The following EYA4 variants were observed in gnomAD, a reference collection of about 807,000 sequenced individuals.
EYA4 encodes the protein EYA transcriptional coactivator and phosphatase 4.
Under a neutral mutation model 87.9 loss-of-function variants are expected in EYA4, and 31 were observed. The ratio of observed to expected loss-of-function variants is 0.35; its 90% CI spans 0.27 to 0.48. EYA4 has a LOEUF of 0.48. EYA4 is among the 20% of genes least tolerant of loss of function. The pLI, the probability that EYA4 is intolerant of heterozygous loss-of-function variation, is 0.99. For synonymous variants in EYA4, 263 were observed against 270.6 expected, an observed-to-expected ratio of 0.97 and a Z score of 0.28; for missense variants, 678 against 761.4, an observed-to-expected ratio of 0.89 and a Z score of 1.29.
chr6:133,450,488 G>A lies in EYA4; in HGVS notation c.277+2309G>A, dbSNP rs189294693. Among the ~76,000 whole-genome samples, 4 of 152,150 alleles carry A rather than the reference G, an allele frequency of 2.6e-5. No individual in the cohort carries two copies. In the East Asian group the frequency reaches 5.8e-4, roughly 22 times the overall value. ...CTTTTCAAGATCATTCCAATAACTCGAGATGTTCAAAAAGATTCTTTATTT... is the reference window on the plus strand; with the variant it reads ...CTTTTCAAGATCATTCCAATAACTCAAGATGTTCAAAAAGATTCTTTATTT... On this transcript the variant is annotated intron_variant, in intron 5 of 19. Transcript: ENST00000355286.
rs142824853 is a variant in EYA4 at position 133,511,372 on chromosome 6, T to C, written c.1282-1349T>C. Among the ~76,000 whole-genome samples the C allele has an allele frequency of 8.9e-3, 1,351 of 152,230 alleles. 27 individuals are homozygous for C. Among genetic ancestry groups the C allele is most frequent in the African/African-American group, 0.031 (1,289 of 41,556 alleles). Reference sequence around the variant, plus strand: ...AAGCACTATGTATATAGTCAGAAGCTGTAAGTATGAGTAAAATACTTTGAG... The same window carrying C: ...AAGCACTATGTATATAGTCAGAAGCCGTAAGTATGAGTAAAATACTTTGAG... On this transcript the variant is annotated intron_variant, in intron 14 of 19. Coordinates refer to ENST00000355286, the MANE Select transcript of EYA4 (RefSeq NM_004100.5).
At chr6:133,265,841 G>A (rs961236849) in intron 1 of EYA4, among the ~76,000 whole-genome samples, 8 of 152,138 alleles carry the variant, frequency 5.3e-5, no homozygotes, top group Admixed American at 1.3e-4. Flanking sequence ...GGCTAGTTTT[G>A]GCTTAATTCT....
At chr6:133,473,074 G>T (rs114306250) in intron 11 of EYA4, among the ~76,000 whole-genome samples, 55 of 152,032 alleles carry the variant, frequency 3.6e-4, no homozygotes, top group African/African-American at 1.2e-3. Flanking sequence ...GAAAAATTAG[G>T]TTAAGAAATT....
chr6:133,288,231 T>C (rs4895960), intron 2 of EYA4, among the ~76,000 whole-genome samples: 27,107 of 152,136 alleles, frequency 0.18, 2,877 homozygotes, highest in East Asian at 0.42. Flanking sequence ...TGTGTTCCAG[T>C]AAAATTTTAT....
chr6:133,389,760 T>C (rs1246094609), intron 3 of EYA4, among the ~76,000 whole-genome samples: 1 of 152,208 alleles, frequency 6.6e-6, no homozygotes, highest in East Asian at 1.9e-4. Flanking sequence ...CTTGCTCCCT[T>C]TCCTAATCCT....
chr6:133,388,700 A>G (rs924460926), intron 3 of EYA4, among the ~76,000 whole-genome samples: 4 of 152,134 alleles, frequency 2.6e-5, no homozygotes, highest in Non-Finnish European at 5.9e-5. Flanking sequence ...ATTGAAGAAG[A>G]CTCATCCTAA....
chr6:133,383,789 A>G (rs1469081843), intron 3 of EYA4, among the ~76,000 whole-genome samples: 1 of 152,146 alleles, frequency 6.6e-6, no homozygotes, highest in African/African-American at 2.4e-5. Context: ...AAATGGAACT[A>G]ACTAATTTTA....
chr6:133,521,054 G>T (rs1330921045), intron 17 of EYA4, among the ~76,000 whole-genome samples: 4 of 151,508 alleles, frequency 2.6e-5, no homozygotes, highest in Non-Finnish European at 5.9e-5. Context: ...ATAGGCATGG[G>T]CAAGGACTTC....
intron 2 of EYA4, among the ~76,000 whole-genome samples, chr6:133,353,625 A>C (rs1283476867): frequency 2.6e-5 from 4 of 152,156 alleles, no homozygotes; most frequent in African/African-American, 4.8e-5. Context: ...GGATTCTCTC[A>C]CCTTATGTCT....
At chr6:133,338,907 C>A (rs1468257326) in intron 2 of EYA4, among the ~76,000 whole-genome samples, 1 of 151,506 alleles carries the variant, frequency 6.6e-6, no homozygotes, top group African/African-American at 2.4e-5. Flanking sequence ...AAAATATAAA[C>A]CCTTAAGAAT....
chr6:133,355,906 G>A (rs1484166518), intron 2 of EYA4, among the ~76,000 whole-genome samples: 1 of 151,990 alleles, frequency 6.6e-6, no homozygotes, highest in African/African-American at 2.4e-5. Context: ...CCATAGACTG[G>A]GTAGCTTAGG....
At chr6:133,453,587 C>G (rs753196877) in intron 5 of EYA4, 4 of 151,976 alleles carry the variant, frequency 2.6e-5, no homozygotes, top group Admixed American at 6.6e-5. Context: ...AAAATCAAAC[C>G]AAAATAACTT....
At chr6:133,480,033 A>C (rs1472463127) in intron 11 of EYA4, among the ~76,000 whole-genome samples, 1 of 152,212 alleles carries the variant, frequency 6.6e-6, no homozygotes, top group Non-Finnish European at 1.5e-5. Context: ...TTGGAGGTAT[A>C]GGTTTATATG....
chr6:133,380,140 G>A (rs1013631090), intron 2 of EYA4, among the ~76,000 whole-genome samples: 24 of 152,198 alleles, frequency 1.6e-4, no homozygotes, highest in African/African-American at 5.5e-4. Context: ...TTCCCCTAGA[G>A]TAGTCATGGT....
At chr6:133,296,848 C>T (rs1257401380) in intron 2 of EYA4, among the ~76,000 whole-genome samples, 1 of 152,100 alleles carries the variant, frequency 6.6e-6, no homozygotes, top group Non-Finnish European at 1.5e-5. Context: ...TTCAAAGCTT[C>T]CATCTTACTG....
At chr6:133,440,015 C>G (rs186782716) in intron 3 of EYA4, among the ~76,000 whole-genome samples, 1 of 152,266 alleles carries the variant, frequency 6.6e-6, no homozygotes, top group East Asian at 1.9e-4. Context: ...TATTTTCTTT[C>G]TTCTCTCAAG....
At chr6:133,284,988 G>GC (rs1777918079) in intron 2 of EYA4, among the ~76,000 whole-genome samples, 1 of 145,192 alleles carries the variant, frequency 6.9e-6, no homozygotes, top group Non-Finnish European at 1.5e-5. Context: ...GTGGTTTTTT[G>GC]TTTTTTTTTT....
intron 3 of EYA4, among the ~76,000 whole-genome samples, chr6:133,416,921 A>T (rs1789765339): frequency 6.6e-6 from 1 of 152,204 alleles, no homozygotes; most frequent in Admixed American, 6.5e-5. Context: ...CTCTGTGGTT[A>T]CGCCACTGTG....
intron 1 of EYA4, among the ~76,000 whole-genome samples, chr6:133,251,443 A>C (rs1774893372): frequency 6.6e-6 from 1 of 152,114 alleles, no homozygotes. Flanking sequence ...ATTCAGATAT[A>C]ATGGCTATGT....
Sources: allele counts gnomAD v4.1 joint callset (sites outside exome capture counted in the v4.1 genomes callset), GRCh38; gene constraint gnomAD v4.1.1; transcripts MANE v1.5; gene names NCBI Gene and HGNC (gene_info 2026-07-23, HGNC 2026-07-21).